The following DPF3 variants were observed in gnomAD, a reference collection of about 807,000 sequenced individuals.
DPF3 encodes the protein double PHD fingers 3, also known as zinc finger protein DPF3.
A neutral mutation model predicts 56.8 loss-of-function variants in DPF3; 18 were observed. The observed-to-expected ratio is 0.32, with a 90% CI of 0.22 to 0.47. The LOEUF (loss-of-function observed/expected upper bound fraction) is 0.47. Ranked by LOEUF, DPF3 falls within the 20% of genes least tolerant of loss-of-function variation. The probability of loss-of-function intolerance (pLI) is 1.00; values close to 1 mark genes in which losing one functional copy is unlikely to be tolerated. For synonymous variants in DPF3, 188 were observed against 180.2 expected (o/e 1.04, Z -0.35); for missense variants, 403 against 488.8 (o/e 0.82, Z 1.65).
intron 2 of DPF3, among the ~76,000 whole-genome samples, chr14:72,754,010 C>A (rs74062391): frequency 0.038 from 5,369 of 139,682 alleles, 223 homozygotes; most frequent in African/African-American, 0.11. Context: ...CTGGGCCTTA[C>A]AAAAAAAAAA....
intron 1 of DPF3, among the ~76,000 whole-genome samples, chr14:72,789,071 C>T (rs1191458805): frequency 6.6e-6 from 1 of 152,196 alleles, no homozygotes; most frequent in Non-Finnish European, 1.5e-5. Flanking sequence ...AAAACCATCA[C>T]GTGTTGCTTT....
Position 72,714,497 on chromosome 14 carries a change from C to T in DPF3, c.530G>A (p.Arg177His), listed in dbSNP as rs17855717. Residue 177 changes from arginine (R) to histidine (H), a missense_variant, in exon 6 of 11, where the codon CGC becomes CAC. Arg to His is a conservative substitution (Grantham distance 29, BLOSUM62 0). This residue lies in a region of DPF3 where 340 missense variants were observed against 374.3 expected (regional missense o/e 0.91). Coordinates refer to ENST00000556509, the MANE Select transcript of DPF3 (RefSeq NM_001280542.3). Reference sequence around the variant, plus strand: ...CCTCCTCCTGCCCCCTGCAGAGCCGCGAGCCTGGGGAGACATTGGGGTACA... The same window carrying T: ...CCTCCTCCTGCCCCCTGCAGAGCCGTGAGCCTGGGGAGACATTGGGGTACA... ...KRKNRTRGRA[R>H]GSAGGRRRHD... 3.8e-5 allele frequency: 62 copies of T among 1,613,586 alleles called. No homozygotes were observed. The highest frequency in any genetic ancestry group is 9.9e-5 in the South Asian group (9 of 91,074).
intron 8 of DPF3, among the ~76,000 whole-genome samples, chr14:72,643,359 C>T (rs746850612): frequency 1.3e-5 from 2 of 152,232 alleles, no homozygotes; most frequent in Non-Finnish European, 1.5e-5. Context: ...TGCTCCATGC[C>T]TCTAGCGAAA....
At chr14:72,664,572 C>T (rs1237067913) in intron 8 of DPF3, among the ~76,000 whole-genome samples, 3 of 152,152 alleles carry the variant, frequency 2.0e-5, no homozygotes, top group Admixed American at 6.5e-5. Context: ...CCTCCCCACC[C>T]CTGTCCTGAC....
intron 3 of DPF3, among the ~76,000 whole-genome samples, chr14:72,750,791 C>CAAAAAAAAAAA (rs35754238): frequency 1.5e-5 from 1 of 65,952 alleles, no homozygotes; most frequent in Non-Finnish European, 2.6e-5. Flanking sequence ...GAAAGAATCT[C>CAAAAAAAAAAA]AAAAAAAAAA....
chr14:72,632,930 T>G (rs1599319181), intron 8 of DPF3, among the ~76,000 whole-genome samples: 7 of 143,340 alleles, frequency 4.9e-5, no homozygotes, highest in South Asian at 2.3e-4. Flanking sequence ...TGTTGAGGGG[T>G]GGGAGGGTAC....
intron 8 of DPF3, chr14:72,661,041 C>CTATATATATATA: frequency 3.0e-6 from 3 of 985,412 alleles, no homozygotes; most frequent in Non-Finnish European, 3.6e-6. Context: ...TACAGAGATG[C>CTATATATATATA]TATAGGAGCA....
chr14:72,749,846 T>TAA (rs200765874), intron 3 of DPF3, among the ~76,000 whole-genome samples: 2 of 122,816 alleles, frequency 1.6e-5, no homozygotes, highest in Admixed American at 8.6e-5. Flanking sequence ...AGACCCTGTT[T>TAA]AAAAAAAAAA....
intron 1 of DPF3, among the ~76,000 whole-genome samples, chr14:72,807,030 G>A (rs1466669648): frequency 1.3e-5 from 2 of 152,152 alleles, no homozygotes; most frequent in African/African-American, 4.8e-5. Flanking sequence ...CCCTGGAGAG[G>A]GCTGCCCTAC....
intron 2 of DPF3, among the ~76,000 whole-genome samples, chr14:72,763,391 T>G (rs1027004380): frequency 6.6e-6 from 1 of 152,070 alleles, no homozygotes; most frequent in Non-Finnish European, 1.5e-5. Flanking sequence ...GGTAAGAGTA[T>G]AAAGATAGAC....
intron 2 of DPF3, among the ~76,000 whole-genome samples, chr14:72,769,268 T>G (rs1891418916): frequency 6.6e-6 from 1 of 152,154 alleles, no homozygotes; most frequent in Admixed American, 6.5e-5. Flanking sequence ...CCAGGATTTC[T>G]TCAAGAAATA....
chr14:72,784,691 G>T (rs753781959), intron 1 of DPF3, among the ~76,000 whole-genome samples: 1 of 152,166 alleles, frequency 6.6e-6, no homozygotes, highest in Non-Finnish European at 1.5e-5. Flanking sequence ...AGGCACAGGG[G>T]CTCACGCCTG....
At position 72,679,601 on chromosome 14, in the gene DPF3, C is replaced by T. The variant is rs139858500; in HGVS notation, c.743-5233G>A. On this transcript the variant is annotated intron_variant, in intron 7 of 10. Coordinates refer to ENST00000556509, the MANE Select transcript of DPF3 (RefSeq NM_001280542.3). ...CTCTCCTCGCCCCTCTCGTTTGTTC[C>T]CCCCGCCACCCTCCACAGGCTGACA... Among the ~76,000 whole-genome samples, 691 of 152,350 alleles carry T rather than the reference C, an allele frequency of 4.5e-3. 3 individuals are homozygous for T. The highest frequency in any genetic ancestry group is 7.0e-3 in the Non-Finnish European group (473 of 68,026).
At chr14:72,703,519 AC>A (rs33987212) in intron 6 of DPF3, among the ~76,000 whole-genome samples, 110,312 of 151,844 alleles carry the variant, frequency 0.73, 42,972 homozygotes, top group Non-Finnish European at 0.88. Flanking sequence ...AAATGCAGAA[AC>A]CCCCCAAAAC....
At chr14:72,838,283 C>T (rs1484589629) in intron 1 of DPF3, among the ~76,000 whole-genome samples, 2 of 151,650 alleles carry the variant, frequency 1.3e-5, no homozygotes, top group East Asian at 3.9e-4. Context: ...CACTTGAGGT[C>T]AGGAGTTCGA....
At chr14:72,693,636 T>C (rs781441696) in intron 6 of DPF3, among the ~76,000 whole-genome samples, 1 of 152,140 alleles carries the variant, frequency 6.6e-6, no homozygotes, top group Non-Finnish European at 1.5e-5. Context: ...TGTTATGACG[T>C]TGAATTCAAA....
At chr14:72,850,358 T>C (rs1159316532) in intron 1 of DPF3, among the ~76,000 whole-genome samples, 2 of 152,128 alleles carry the variant, frequency 1.3e-5, no homozygotes, top group Non-Finnish European at 2.9e-5. Flanking sequence ...CAGGTTTACA[T>C]GGCCTGACTA....
intron 3 of DPF3, among the ~76,000 whole-genome samples, chr14:72,740,373 G>A (rs2139873880): frequency 6.6e-6 from 1 of 152,368 alleles, no homozygotes. Flanking sequence ...GGGGTGACCA[G>A]TGAGGAGTTA....
At chr14:72,633,128 T>C (rs1221785770) in intron 8 of DPF3, among the ~76,000 whole-genome samples, 1 of 152,102 alleles carries the variant, frequency 6.6e-6, no homozygotes, top group Non-Finnish European at 1.5e-5. Flanking sequence ...TTCTGACCCA[T>C]GAAACTAGGT....
Sources: allele counts gnomAD v4.1 joint callset (sites outside exome capture counted in the v4.1 genomes callset), GRCh38; gene constraint gnomAD v4.1.1; regional missense constraint gnomAD v4.1.1; transcripts MANE v1.5; gene names NCBI Gene and HGNC (gene_info 2026-07-23, HGNC 2026-07-21).